The following TENM3 variants were observed in gnomAD, a reference collection of about 807,000 sequenced individuals.
TENM3 encodes the protein teneurin-3.
In TENM3, 63 loss-of-function variants were observed where a neutral mutation model predicts 255.1. The observed-to-expected ratio is 0.25, with a 90% confidence interval of 0.20 to 0.30. The LOEUF is 0.30. TENM3 is among the 10% of genes least tolerant of loss of function. TENM3 has a pLI of 1.00. For missense variants in TENM3, 2,929 were observed against 3,461.1 expected (o/e 0.85, Z 3.86); for synonymous variants, 1,306 against 1,322.3 (o/e 0.99, Z 0.27).
At chr4:182,080,990 CA>C in the TENM3 span, among the ~76,000 whole-genome samples, 4 of 149,582 alleles carry the variant, frequency 2.7e-5, no homozygotes, top group East Asian at 2.0e-4. Flanking sequence ...CACCCTGTCT[CA>C]AAAAAAAACA....
intron 3 of TENM3, among the ~76,000 whole-genome samples, chr4:182,494,807 A>G (rs1735622753): frequency 1.3e-5 from 2 of 152,156 alleles, no homozygotes; most frequent in Admixed American, 1.3e-4. Context: ...AAACTTTCAT[A>G]GTTTGGCAAT....
the TENM3 span, among the ~76,000 whole-genome samples, chr4:181,685,121 G>A: frequency 6.6e-6 from 1 of 151,900 alleles, no homozygotes; most frequent in Non-Finnish European, 1.5e-5. Flanking sequence ...AAAGATGCCA[G>A]GAGTCAATTA....
chr4:181,451,414 A>G, the TENM3 span, among the ~76,000 whole-genome samples: 3 of 152,212 alleles, frequency 2.0e-5, no homozygotes, highest in African/African-American at 4.8e-5. Context: ...GTGCAGTGAG[A>G]AACCATTAGA....
intron 22 of TENM3, among the ~76,000 whole-genome samples, chr4:182,758,637 G>A (rs1427865147): frequency 6.6e-6 from 1 of 152,118 alleles, no homozygotes; most frequent in African/African-American, 2.4e-5. Context: ...GTACGTGTCT[G>A]TAATATTTCC....
At chr4:182,002,498 A>C in the TENM3 span, among the ~76,000 whole-genome samples, 1 of 151,828 alleles carries the variant, frequency 6.6e-6, no homozygotes, top group South Asian at 2.1e-4. Context: ...TTTAGTCAAG[A>C]ACTCCACATT....
chr4:181,971,629 T>C, the TENM3 span, among the ~76,000 whole-genome samples: 39 of 152,178 alleles, frequency 2.6e-4, no homozygotes, highest in African/African-American at 8.9e-4. Flanking sequence ...TGCAGTGGCA[T>C]GATCATAGCT....
intron 1 of TENM3, among the ~76,000 whole-genome samples, chr4:182,305,587 A>G (rs1212730788): frequency 2.6e-5 from 4 of 152,182 alleles, no homozygotes; most frequent in Non-Finnish European, 4.4e-5. Context: ...GCCATAATTT[A>G]TCCTCTTTCA....
the TENM3 span, among the ~76,000 whole-genome samples, chr4:181,605,588 A>AGAAAGAAAGAGAGAGAAAGAAAG: frequency 2.1e-4 from 8 of 37,570 alleles, 1 homozygote; most frequent in East Asian, 2.2e-3. Flanking sequence ...AAGAAAGGAA[A>AGAAAGAAAGAGAGAGAAAGAAAG]GAAAGAAAGA....
the TENM3 span, among the ~76,000 whole-genome samples, chr4:182,065,035 CTTT>C: frequency 5.4e-5 from 7 of 129,988 alleles, no homozygotes; most frequent in Non-Finnish European, 9.9e-5. Flanking sequence ...TAATTTCTTT[CTTT>C]TTTTTTTTTT....
At chr4:182,672,174 G>T (rs1027873220) in intron 6 of TENM3, among the ~76,000 whole-genome samples, 2 of 152,060 alleles carry the variant, frequency 1.3e-5, no homozygotes, top group African/African-American at 4.8e-5. Flanking sequence ...GAGGAACATC[G>T]TACCAAAAAG....
At chr4:181,719,183 G>C in the TENM3 span, among the ~76,000 whole-genome samples, 2 of 150,432 alleles carry the variant, frequency 1.3e-5, no homozygotes, top group Non-Finnish European at 3.0e-5. Flanking sequence ...TCCGCAGTCC[G>C]GCCTGGGCGA....
chr4:181,454,668 A>ATACCATTTTTATACTTTTTTTTTTTTT, the TENM3 span, among the ~76,000 whole-genome samples: 2 of 88,174 alleles, frequency 2.3e-5, no homozygotes, highest in Non-Finnish European at 4.4e-5. Context: ...TATGTTTTTT[A>ATACCATTTTTATACTTTTTTTTTTTTT]TACCATTTTT....
upstream of TENM3, chr4:182,143,652 G>A (rs1749640869): frequency 6.1e-6 from 1 of 164,382 alleles, no homozygotes; most frequent in South Asian, 2.1e-4. The surrounding 1 kb of genome is among the most constrained non-coding windows in gnomAD (Gnocchi z 4.3). Flanking sequence ...CTCCCCCAGG[G>A]CCGCCTCCCC....
chr4:182,665,972 G>A (rs1456386193), intron 6 of TENM3, among the ~76,000 whole-genome samples: 2 of 152,096 alleles, frequency 1.3e-5, no homozygotes, highest in Admixed American at 6.6e-5. Context: ...ATGGGAAGAG[G>A]TCAAAAGACT....
At position 182,688,259 on chromosome 4, in the gene TENM3, G is replaced by A. The variant is rs1022061976; in HGVS notation, c.2129G>A (p.Arg710Lys). 5 of 1,613,972 alleles carry A rather than the reference G, an allele frequency of 3.1e-6. No individual in the cohort carries two copies. Among genetic ancestry groups the A allele is most frequent in the African/African-American group, 1.3e-5 (1 of 75,024 alleles). ...EGWTGPACNQ[R>K]ACHPRCAEHG... ...TGGACGGGCCCAGCCTGTAATCAGA[G>A]AGCCTGCCACCCCCGCTGTGCCGAG... Residue 710 changes from arginine (R) to lysine (K), a missense_variant, in exon 12 of 28, where the codon AGA becomes AAA. Arg to Lys is a conservative substitution (Grantham distance 26). Around this residue, in one of 6 missense-constraint regions of TENM3, gnomAD observed 1,608 missense variants for 1,884.4 expected, o/e 0.85. Coordinates refer to ENST00000511685, the MANE Select transcript of TENM3 (RefSeq NM_001080477.4).
the TENM3 span, among the ~76,000 whole-genome samples, chr4:181,487,375 T>C: frequency 3.3e-5 from 5 of 152,260 alleles, no homozygotes; most frequent in East Asian, 7.7e-4. Flanking sequence ...ATAGACTGCA[T>C]GGGTTATAAA....
At chr4:182,433,463 G>A (rs1771811368) in intron 3 of TENM3, among the ~76,000 whole-genome samples, 1 of 152,172 alleles carries the variant, frequency 6.6e-6, no homozygotes, top group Non-Finnish European at 1.5e-5. Context: ...CAGTGATTAT[G>A]AAAGTCAGAG....
the TENM3 span, among the ~76,000 whole-genome samples, chr4:182,031,659 T>C: frequency 0.013 from 1,953 of 152,260 alleles, 44 homozygotes; most frequent in African/African-American, 0.044. Context: ...GCCATTTTCA[T>C]GATGTTGATT....
the TENM3 span, among the ~76,000 whole-genome samples, chr4:181,553,904 C>T: frequency 2.0e-5 from 3 of 152,122 alleles, no homozygotes; most frequent in Non-Finnish European, 4.4e-5. Flanking sequence ...AGCAATCCTG[C>T]TCCATCCCCC....
Sources: allele counts gnomAD v4.1 joint callset (sites outside exome capture counted in the v4.1 genomes callset), GRCh38; gene constraint gnomAD v4.1.1; regional missense constraint gnomAD v4.1.1; non-coding constraint Gnocchi (gnomAD v3.1); transcripts MANE v1.5; gene names NCBI Gene and HGNC (gene_info 2026-07-23, HGNC 2026-07-21).